The following SHISAL2A variants were observed in gnomAD, a reference collection of about 807,000 sequenced individuals.
SHISAL2A encodes the protein shisa like 2A.
SHISAL2A carries 18 observed loss-of-function variants against 11.5 expected under a neutral mutation model. The ratio of observed to expected loss-of-function variants is 1.57; its 90% CI spans 1.08 to 2.33. SHISAL2A has a LOEUF of 2.33. SHISAL2A is among the 30% of genes most tolerant of loss of function. The pLI is 0.00. For missense variants in SHISAL2A, 261 were observed against 250.9 expected (o/e 1.04, Z -0.27); for synonymous variants, 94 against 99.6 (o/e 0.94, Z 0.34).
intron 2 of SHISAL2A, among the ~76,000 whole-genome samples, chr1:52,654,915 G>A (rs1173966261): frequency 6.6e-6 from 1 of 152,216 alleles, no homozygotes; most frequent in Non-Finnish European, 1.5e-5. Flanking sequence ...GGGTGTGGTG[G>A]CTCATGCCTG....
Position 52,633,269 on chromosome 1 carries a change from C to G in SHISAL2A, c.-225C>G, listed in dbSNP as rs1343967834. ...ACTCCCGCCGCCGGCCCCCGCCGCCCGCCCCGCCTGCCCCTACCCCTCCGC... is the reference window on the plus strand; with the variant it reads ...ACTCCCGCCGCCGGCCCCCGCCGCCGGCCCCGCCTGCCCCTACCCCTCCGC... On this transcript the variant is annotated 5_prime_UTR_variant, in exon 1 of 3. Coordinates refer to ENST00000517870, the MANE Select transcript of SHISAL2A (RefSeq NM_001042693.3). This position sits in a 1 kb window ranked among gnomAD's most constrained non-coding sequence, Gnocchi z 6.4. The G allele has an allele frequency of 8.3e-6, 3 of 363,182 alleles. No homozygotes were observed. The highest frequency in any genetic ancestry group is 6.4e-5 in the African/African-American group (3 of 47,090). The allele number at this position is 363,182 out of a possible 1,614,324, so 22.5% of individuals were successfully genotyped here. A position where few individuals can be genotyped will look rare whatever the true frequency, so the allele number is the denominator to read the frequency against.
intron 2 of SHISAL2A, among the ~76,000 whole-genome samples, chr1:52,648,801 C>G (rs1192992195): frequency 6.6e-6 from 1 of 152,114 alleles, no homozygotes; most frequent in African/African-American, 2.4e-5. Flanking sequence ...GTGGGATGTT[C>G]TGGCTTGTGC....
Position 52,633,271 on chromosome 1 carries a change from C to T in SHISAL2A, c.-223C>T, listed in dbSNP as rs1691166570. Reference sequence around the variant, plus strand: ...TCCCGCCGCCGGCCCCCGCCGCCCGCCCCGCCTGCCCCTACCCCTCCGCGC... The same window carrying T: ...TCCCGCCGCCGGCCCCCGCCGCCCGTCCCGCCTGCCCCTACCCCTCCGCGC... On this transcript the variant is annotated 5_prime_UTR_variant, in exon 1 of 3. Transcript: ENST00000517870. The surrounding 1 kb of genome is among the most constrained non-coding windows in gnomAD (Gnocchi z 6.4). 2.7e-6 allele frequency: 1 copy of T among 366,564 alleles called. No homozygotes were observed. The highest frequency in any genetic ancestry group is 2.1e-5 in the African/African-American group (1 of 47,304). 22.7% of individuals were successfully genotyped at this position (366,564 alleles called of 1,614,324 possible).
chr1:52,642,756 A>G (rs1691395430), intron 1 of SHISAL2A, 107 bp from the exon 2 acceptor site: 1 of 1,178,636 alleles, frequency 8.5e-7, no homozygotes, highest in Non-Finnish European at 1.2e-6. Flanking sequence ...TATTCTGTAC[A>G]TTTTCTTCCC....
chr1:52,661,309 A>G (rs1354655130), downstream of SHISAL2A, among the ~76,000 whole-genome samples: 1 of 152,232 alleles, frequency 6.6e-6, no homozygotes, highest in Non-Finnish European at 1.5e-5. Flanking sequence ...GCCATTCAGG[A>G]TCTCTGCCTT....
intron 1 of SHISAL2A, among the ~76,000 whole-genome samples, chr1:52,641,770 G>C (rs1274774489): frequency 2.6e-5 from 4 of 151,852 alleles, no homozygotes; most frequent in South Asian, 2.1e-4. Flanking sequence ...AGCAAAACCT[G>C]GTCTCTATTT....
chr1:52,656,973 G>T lies in SHISAL2A; in HGVS notation c.506G>T (p.Ser169Ile). 6.2e-7 allele frequency: 1 copy of T among 1,614,188 alleles called. No homozygotes were observed. The highest frequency in any genetic ancestry group is 8.5e-7 in the Non-Finnish European group (1 of 1,180,034). The change falls in exon 3 of 3, where the codon AGT becomes ATT. Residue 169 changes from serine to isoleucine, a missense_variant. Physicochemically the swap from Ser to Ile is moderately radical, Grantham distance 142. Coordinates refer to ENST00000517870, the MANE Select transcript of SHISAL2A (RefSeq NM_001042693.3). ...HHCFMATVTT[S>I]DIPGSPEEAS... ...TGCTTCATGGCCACAGTGACCACCA[G>T]TGACATTCCAGGCAGCCCTGAGGAA...
chr1:52,634,744 G>A (rs1691203572), intron 1 of SHISAL2A, among the ~76,000 whole-genome samples: 1 of 152,156 alleles, frequency 6.6e-6, no homozygotes, highest in African/African-American at 2.4e-5. Flanking sequence ...GGAGGTATAT[G>A]AGCAGAGGCT....
chr1:52,653,504 G>A (rs1156479686), intron 2 of SHISAL2A, among the ~76,000 whole-genome samples: 1 of 152,040 alleles, frequency 6.6e-6, no homozygotes, highest in East Asian at 1.9e-4. Flanking sequence ...ATGATGGCAT[G>A]TGGCTGAGGT....
At chr1:52,664,771 C>CA (rs1691977930) in intron 4 of SHISAL2A, among the ~76,000 whole-genome samples, 1 of 152,144 alleles carries the variant, frequency 6.6e-6, no homozygotes, top group Admixed American at 6.5e-5. Flanking sequence ...GCTGGGATTA[C>CA]AGGCATGAGC....
At chr1:52,635,158 T>G (rs946012935) in intron 1 of SHISAL2A, among the ~76,000 whole-genome samples, 2 of 152,192 alleles carry the variant, frequency 1.3e-5, no homozygotes, top group African/African-American at 4.8e-5. Flanking sequence ...CAAAAATCAA[T>G]TATTCCCTGC....
At chr1:52,649,463 C>T (rs534090896) in intron 2 of SHISAL2A, among the ~76,000 whole-genome samples, 2 of 152,278 alleles carry the variant, frequency 1.3e-5, no homozygotes, top group East Asian at 1.9e-4. Context: ...TGGGGAGTGC[C>T]TTGGCAAGAG....
At chr1:52,659,024 G>T (rs6660558), downstream of SHISAL2A, among the ~76,000 whole-genome samples, 65,310 of 144,200 alleles carry the variant, frequency 0.45, 14,716 homozygotes, top group African/African-American at 0.51. Flanking sequence ...GTTGTTGTTG[G>T]TGGTGGTGGT....
intron 4 of SHISAL2A, among the ~76,000 whole-genome samples, chr1:52,663,357 C>G (rs1691944661): frequency 6.6e-6 from 1 of 152,226 alleles, no homozygotes; most frequent in Admixed American, 6.5e-5. Context: ...GCCCTCCCCG[C>G]AACCACCCCT....
intron 2 of SHISAL2A, among the ~76,000 whole-genome samples, chr1:52,647,607 A>C (rs1428251050): frequency 7.2e-5 from 11 of 152,128 alleles, no homozygotes; most frequent in Non-Finnish European, 1.5e-5. Context: ...GCACTTAGGG[A>C]GGTGGAGGCG....
chr1:52,648,897 C>T (rs1438657597), intron 2 of SHISAL2A, among the ~76,000 whole-genome samples: 48 of 152,152 alleles, frequency 3.2e-4, no homozygotes, highest in Non-Finnish European at 2.9e-5. Context: ...TCCCTCGGCC[C>T]TGTGAATGGA....
intron 2 of SHISAL2A, among the ~76,000 whole-genome samples, chr1:52,647,800 G>A (rs12743481): frequency 0.35 from 52,595 of 150,560 alleles, 9,335 homozygotes; most frequent in Middle Eastern, 0.42. Flanking sequence ...AGCCAGGATC[G>A]GCCACTGCAC....
At chr1:52,647,857 A>G (rs904088695) in intron 2 of SHISAL2A, among the ~76,000 whole-genome samples, 4 of 151,592 alleles carry the variant, frequency 2.6e-5, no homozygotes, top group African/African-American at 9.7e-5. Flanking sequence ...AAAAAAAAGA[A>G]AAAAAGAAAA....
At chr1:52,643,582 CG>C (rs1691421096) in intron 2 of SHISAL2A, among the ~76,000 whole-genome samples, 1 of 152,128 alleles carries the variant, frequency 6.6e-6, no homozygotes. Flanking sequence ...GGGCTAGGCG[CG>C]GTGGCTCACG....
Sources: allele counts gnomAD v4.1 joint callset (sites outside exome capture counted in the v4.1 genomes callset), GRCh38; gene constraint gnomAD v4.1.1; non-coding constraint Gnocchi (gnomAD v3.1); transcripts MANE v1.5; gene names NCBI Gene and HGNC (gene_info 2026-07-23, HGNC 2026-07-21).